Variants in EIF3B observed in about 807,000 individuals in gnomAD.
EIF3B encodes the protein eukaryotic translation initiation factor 3 subunit 9.
In EIF3B, 10 loss-of-function variants were observed where a neutral mutation model predicts 104.6. The ratio of observed to expected loss-of-function variants is 0.10; its 90% confidence interval spans 0.06 to 0.16. The LOEUF (loss-of-function observed/expected upper bound fraction) is 0.16. EIF3B is among the 10% of genes least tolerant of loss of function. The pLI is 1.00. For missense variants in EIF3B, 1,014 were observed against 1,087.9 expected, an observed-to-expected ratio of 0.93 and a Z score of 0.96; for synonymous variants, 542 against 417.2, an observed-to-expected ratio of 1.30 and a Z score of -3.65.
At chr7:2,376,677 C>G in intron 14 of EIF3B, 1 of 408,918 alleles carries the variant, frequency 2.4e-6, no homozygotes, top group Non-Finnish European at 4.4e-6. Context: ...AGCTTACATC[C>G]AGCATGGGGT....
At chr7:2,367,207 C>G (rs981197873) in intron 9 of EIF3B, 162 bp downstream of exon 9, 4 of 651,052 alleles carry the variant, frequency 6.1e-6, no homozygotes, top group African/African-American at 1.9e-5. Context: ...AGGGTGCCTG[C>G]AGACTGTCTG....
At chr7:2,377,102 A>G in intron 15 of EIF3B, 27 bp downstream of exon 15, 3 of 1,590,522 alleles carry the variant, frequency 1.9e-6, no homozygotes, top group East Asian at 2.3e-5. Context: ...CCCCGGGTGC[A>G]GGGCACATGG....
At position 2,355,305 on chromosome 7, in the gene EIF3B, G is replaced by A. The variant is rs1186618124; in HGVS notation, c.384G>A (p.Ala128=). ...DSRAQAVSED[A]GGNEGRAAEA... ...GGGCCCAGGCGGTGTCCGAGGACGC[G>A]GGAGGAAACGAGGGCAGAGCGGCCG... The change falls in exon 1 of 19, where the codon GCG becomes GCA. Residue 128 remains alanine, a synonymous_variant. Coordinates refer to ENST00000360876, the MANE Select transcript of EIF3B (RefSeq NM_001037283.2). 1.9e-6 allele frequency: 3 copies of A among 1,539,806 alleles called. No homozygotes were observed. The Admixed American group carries it at 5.8e-5, about 30-fold the overall frequency.
At position 2,380,143 on chromosome 7, in the gene EIF3B, CA is replaced by C. The variant is rs1583188920; in HGVS notation, c.*15-60del. ...TCAACGTCAGCCCCAAGGCGATGTT[CA>C]GGGGGTCCCTCAGCCTTTTGAGGTG... On this transcript the variant is annotated intron_variant, in intron 18 of 18. Transcript: ENST00000360876. 7 of 330,558 alleles carry C rather than the reference CA, an allele frequency of 2.1e-5. No homozygotes were observed. In the East Asian group the frequency reaches 6.3e-4, roughly 30 times the overall value. The allele number at this position is 330,558 out of a possible 1,614,324, so 20.5% of individuals were successfully genotyped here.
Position 2,366,422 on chromosome 7 carries a change from G to T in EIF3B, c.1263G>T (p.Glu421Asp). 6.2e-7 allele frequency: 1 copy of T among 1,614,114 alleles called. No individual in the cohort carries two copies. Among genetic ancestry groups the T allele is most frequent in the Non-Finnish European group, 8.5e-7 (1 of 1,180,032 alleles). Residue 421 changes from glutamate to aspartate, a missense_variant, in exon 7 of 19, where the codon GAG becomes GAT. Coordinates refer to ENST00000360876, the MANE Select transcript of EIF3B (RefSeq NM_001037283.2). ...ACAAGAAGAGGGGTTTTCACTGTGA[G>T]AGCTCAGCCCATTGGCCTATTTTTA... ...TGHKKRGFHC[E>D]SSAHWPIFKW... is the part of the protein sequence containing the mutation.
chr7:2,368,388 C>T (rs928627426), intron 9 of EIF3B, among the ~76,000 whole-genome samples: 6 of 151,936 alleles, frequency 3.9e-5, no homozygotes, highest in Non-Finnish European at 5.9e-5. Context: ...TCAAGTGATC[C>T]GCCTGCCCGC....
chr7:2,375,345 G>T (rs753963774), intron 13 of EIF3B, 44 bp from the exon 14 acceptor site: 4 of 1,609,584 alleles, frequency 2.5e-6, no homozygotes, highest in Admixed American at 1.7e-5. Flanking sequence ...ATGCCAGGAG[G>T]TATGCGTCTC....
In EIF3B at chr7:2,378,454, GT is replaced by G; in HGVS notation, c.2155-234del. 4.1e-5 allele frequency: 9 copies of G among 219,458 alleles called. 1 individual carries two copies. The highest frequency in any genetic ancestry group is 4.0e-4 in the East Asian group (2 of 5,012). The allele number at this position is 219,458 out of a possible 1,614,324, so 13.6% of individuals were successfully genotyped here. A position where few individuals can be genotyped will look rare whatever the true frequency, so the allele number is the denominator to read the frequency against. The stretch of plus-strand genomic sequence containing the variant: ...CAGGCGCGAGCGCTCCTGGGAAGCT[GT>G]GTTGTGTGAATGACCCTGGGTGTCA... On this transcript the variant is annotated intron_variant, in intron 15 of 18. Transcript: ENST00000360876.
At position 2,363,781 on chromosome 7, in the gene EIF3B, G is replaced by T. The variant is rs375836962; in HGVS notation, c.999+21G>T. 4.3e-6 allele frequency: 7 copies of T among 1,610,392 alleles called. No homozygotes were observed. In the Admixed American group the frequency reaches 5.0e-5, roughly 12 times the overall value. ...GAGCGGTGTGTATTTGCTGCTGCTG[G>T]GGGCGGGGACTCACCTCTCCTGTAT... On this transcript the variant is annotated intron_variant, in intron 5 of 18. Transcript: ENST00000360876.
chr7:2,363,581 G>A, intron 4 of EIF3B, 51 bp from the exon 5 acceptor site: 4 of 1,537,324 alleles, frequency 2.6e-6, no homozygotes, highest in Non-Finnish European at 3.5e-6. Context: ...TTGTGAATGA[G>A]TTTTTTATTA....
chr7:2,354,912 C>A lies in EIF3B; in HGVS notation c.-10C>A. On this transcript the variant is annotated 5_prime_UTR_variant, in exon 1 of 19. Coordinates refer to ENST00000360876, the MANE Select transcript of EIF3B (RefSeq NM_001037283.2). ...GCCGCGGAGCCCTGCGAGTAGGCAGCGTTGGGCCCATGCAGGACGCGGAGA... is the reference window on the plus strand; with the variant it reads ...GCCGCGGAGCCCTGCGAGTAGGCAGAGTTGGGCCCATGCAGGACGCGGAGA... 8.2e-7 allele frequency: 1 copy of A among 1,215,518 alleles called. No homozygotes were observed. Among genetic ancestry groups the A allele is most frequent in the Non-Finnish European group, 1.0e-6 (1 of 971,252 alleles). 75.3% of individuals were successfully genotyped at this position (1,215,518 alleles called of 1,614,324 possible).
intron 2 of EIF3B, among the ~76,000 whole-genome samples, chr7:2,361,699 C>G (rs1004316371): frequency 6.6e-6 from 1 of 151,846 alleles, no homozygotes; most frequent in African/African-American, 2.4e-5. Context: ...GATTACAGGC[C>G]TGAGCCACCG....
intron 8 of EIF3B, 178 bp from the exon 9 acceptor site, chr7:2,366,821 C>A: frequency 4.9e-6 from 4 of 809,656 alleles, no homozygotes; most frequent in South Asian, 1.7e-5. Context: ...ATGCAGTGGG[C>A]TTCAGAACTG....
intron 1 of EIF3B, 46 bp from the exon 2 acceptor site, chr7:2,360,664 G>T: frequency 6.7e-7 from 1 of 1,495,046 alleles, no homozygotes. Context: ...ATGTATTAAT[G>T]TTTTTCTTGG....
intron 9 of EIF3B, among the ~76,000 whole-genome samples, chr7:2,367,677 C>T (rs942701833): frequency 3.9e-5 from 6 of 151,934 alleles, no homozygotes; most frequent in Non-Finnish European, 7.4e-5. Flanking sequence ...ACCATGTTGG[C>T]TGGGCTGGTC....
intron 11 of EIF3B, among the ~76,000 whole-genome samples, 175 bp from the exon 12 acceptor site, chr7:2,372,498 C>G (rs543190415): frequency 6.6e-6 from 1 of 152,294 alleles, no homozygotes; most frequent in Admixed American, 6.5e-5. Context: ...GCAGCTGTCT[C>G]TGAAACTCCA....
In EIF3B at chr7:2,372,791, C is replaced by G. The variant is rs779433541; in HGVS notation, c.1806C>G (p.Leu602=). The change falls in exon 12 of 19, where the codon CTC becomes CTG. Residue 602 remains leucine, a synonymous_variant. Transcript: ENST00000360876. Reference sequence around the variant, plus strand: ...TCAAAAACAACGGGAAGATTGAACTCATCAGTAAGTAACCTGGTCCCTTTC... The same window carrying G: ...TCAAAAACAACGGGAAGATTGAACTGATCAGTAAGTAACCTGGTCCCTTTC... ...YHVKNNGKIE[L]IKMFDKQQAN... 1 of 1,613,890 alleles carries G rather than the reference C, an allele frequency of 6.2e-7. No homozygotes were observed. Among genetic ancestry groups the G allele is most frequent in the South Asian group, 1.1e-5 (1 of 91,046 alleles).
chr7:2,374,142 G>C (rs893081396), intron 12 of EIF3B: 3 of 173,280 alleles, frequency 1.7e-5, no homozygotes, highest in Non-Finnish European at 3.7e-5. Flanking sequence ...GTTTCAACAA[G>C]CATACAGCTT....
Position 2,378,783 on chromosome 7 carries a change from AAATG to A in EIF3B, c.2232+19_2232+22del. 6.2e-7 allele frequency: 1 copy of A among 1,603,446 alleles called. No individual in the cohort carries two copies. The highest frequency in any genetic ancestry group is 8.5e-7 in the Non-Finnish European group (1 of 1,170,784). On this transcript the variant is annotated intron_variant, in intron 16 of 18. Coordinates refer to ENST00000360876, the MANE Select transcript of EIF3B (RefSeq NM_001037283.2). Reference sequence around the variant, plus strand: ...GCCTCAAAGGTGAGCCTCATTCCCAAAATGAGGGCTGTGCTGTGACATCCGCCAT... The same window carrying A: ...GCCTCAAAGGTGAGCCTCATTCCCAAAGGGCTGTGCTGTGACATCCGCCAT...
Sources: gnomAD v4.1 joint callset for allele counts (sites outside exome capture counted in the v4.1 genomes callset) on GRCh38, gnomAD v4.1.1 for gene constraint, MANE v1.5 for transcripts, NCBI Gene and HGNC (gene_info 2026-07-23, HGNC 2026-07-21) for gene names.